AK8: variants seen among roughly 807,000 people sequenced by gnomAD.
AK8 encodes ATP-AMP transphosphorylase 8.
AK8 carries 44 observed loss-of-function variants against 54.6 expected under a neutral mutation model. The observed-to-expected ratio is 0.81, with a 90% CI of 0.63 to 1.04. The LOEUF is 1.04. AK8 is among the 50% of genes least tolerant of loss of function. AK8 has a pLI of 0.00. For missense variants in AK8, 555 were observed against 613.6 expected, an observed-to-expected ratio of 0.90 and a Z score of 1.01; for synonymous variants, 239 against 245.6, an observed-to-expected ratio of 0.97 and a Z score of 0.25.
At chr9:132,740,711 A>AC (rs139551614) in intron 11 of AK8, among the ~76,000 whole-genome samples, 22,348 of 150,684 alleles carry the variant, frequency 0.15, 1,933 homozygotes, top group Middle Eastern at 0.25. Context: ...AGAGCTGAGC[A>AC]CCCCCCCGCC....
rs376813082 is a variant in AK8 at position 132,810,902 on chromosome 9, G to A, written c.979+3736C>T. 2.6e-5 allele frequency among the ~76,000 whole-genome samples: 4 copies of A among 152,192 alleles called. No individual in the cohort carries two copies. In the East Asian group the frequency reaches 5.8e-4, roughly 22 times the overall value. ...TATAAAGAAAAATTAATGGAAAAAC[G>A]TAAACAACCCTAATATGCAAAGAGC... On this transcript the variant is annotated intron_variant, in intron 10 of 12. Transcript: ENST00000298545.
At chr9:132,846,907 G>A (rs977542966) in intron 5 of AK8, among the ~76,000 whole-genome samples, 61 of 152,354 alleles carry the variant, frequency 4.0e-4, no homozygotes, top group African/African-American at 1.2e-3. Context: ...GTAGGGTCCC[G>A]TGAAGCTGGA....
intron 4 of AK8, among the ~76,000 whole-genome samples, chr9:132,858,396 G>A (rs1157509484): frequency 3.3e-5 from 5 of 152,218 alleles, no homozygotes; most frequent in Non-Finnish European, 7.3e-5. Flanking sequence ...TCTCACACTG[G>A]GATGGCATGA....
intron 5 of AK8, among the ~76,000 whole-genome samples, chr9:132,842,768 G>A (rs1472732731): frequency 6.6e-6 from 1 of 152,234 alleles, no homozygotes; most frequent in Non-Finnish European, 1.5e-5. Context: ...GCTTGACTGA[G>A]GGAGAACCCT....
chr9:132,828,573 G>C (rs76240646), intron 6 of AK8, 72 bp downstream of exon 6: 1 of 1,368,768 alleles, frequency 7.3e-7, no homozygotes, highest in Non-Finnish European at 1.0e-6. Flanking sequence ...CAGGCAGCAT[G>C]AGCGGGGCGC....
At chr9:132,874,411 C>T (rs1457047585) in intron 2 of AK8, 1 of 152,422 alleles carries the variant, frequency 6.6e-6, no homozygotes, top group African/African-American at 2.4e-5. Context: ...ACTAATTTCA[C>T]TGGTGCACTG....
In AK8 at chr9:132,725,751, T is replaced by C. The variant is rs769479139; in HGVS notation, c.1377A>G (p.Pro459=). 6.9e-6 allele frequency: 11 copies of C among 1,595,190 alleles called. No homozygotes were observed. Among genetic ancestry groups the C allele is most frequent in the Non-Finnish European group, 7.7e-6 (9 of 1,171,012 alleles). The part of the protein sequence containing the change: ...SAITLNGDQD[P]YTVFEYIESG... Reference sequence around the variant, plus strand: ...TCTCGATGTATTCGAAGACTGTGTATGGGTCCTGGTCCCCATTGAGGGTGA... The same window carrying C: ...TCTCGATGTATTCGAAGACTGTGTACGGGTCCTGGTCCCCATTGAGGGTGA... Residue 459 remains proline (P), a synonymous_variant, in exon 13 of 13, where the codon CCA becomes CCG. Coordinates refer to ENST00000298545, the MANE Select transcript of AK8 (RefSeq NM_152572.3).
intron 11 of AK8, among the ~76,000 whole-genome samples, chr9:132,786,733 A>C (rs1839724419): frequency 6.6e-6 from 1 of 152,200 alleles, no homozygotes; most frequent in Non-Finnish European, 1.5e-5. Context: ...GTGAGCAAAC[A>C]ACCAAGGGTA....
At chr9:132,812,538 G>GGGATGACGGGTGAGCCGCCGCGCCCACTT (rs1841094698) in intron 10 of AK8, among the ~76,000 whole-genome samples, 1 of 150,720 alleles carries the variant, frequency 6.6e-6, no homozygotes, top group Non-Finnish European at 1.5e-5. Context: ...CGTGCCCACT[G>GGGATGACGGGTGAGCCGCCGCGCCCACTT]GGATGACGGG....
rs536741684 is a variant in AK8 at position 132,834,671 on chromosome 9, C to T, written c.403-5945G>A. ...CAGCCTAACAGTGATTATGCTCTTA[C>T]AACGCCGAAATATGCAGGAGTGATT... On this transcript the variant is annotated intron_variant, in intron 5 of 12. Coordinates refer to ENST00000298545, the MANE Select transcript of AK8 (RefSeq NM_152572.3). Among the ~76,000 whole-genome samples, 8 of 152,306 alleles carry T rather than the reference C, an allele frequency of 5.3e-5. 1 individual carries two copies. In the South Asian group the frequency reaches 1.2e-3, roughly 24 times the overall value.
At chr9:132,806,866 C>T (rs1391974640) in intron 10 of AK8, among the ~76,000 whole-genome samples, 1 of 152,120 alleles carries the variant, frequency 6.6e-6, no homozygotes, top group African/African-American at 2.4e-5. Context: ...GGTCTCATTA[C>T]CAGAAAGGGT....
intron 11 of AK8, among the ~76,000 whole-genome samples, chr9:132,743,878 C>T (rs1187136904): frequency 6.6e-6 from 1 of 152,168 alleles, no homozygotes; most frequent in African/African-American, 2.4e-5. Context: ...ACTCCAGGGC[C>T]ATCTGAATCT....
At chr9:132,848,857 A>G (rs534308943) in intron 5 of AK8, among the ~76,000 whole-genome samples, 9 of 151,808 alleles carry the variant, frequency 5.9e-5, no homozygotes, top group Non-Finnish European at 1.2e-4. Context: ...AACTTAGTTA[A>G]AATGAAAGTC....
intron 2 of AK8, among the ~76,000 whole-genome samples, chr9:132,873,962 A>G (rs770119482): frequency 3.3e-5 from 5 of 152,218 alleles, no homozygotes; most frequent in Non-Finnish European, 7.3e-5. Flanking sequence ...AGGGCAGAGT[A>G]AACTGCACCA....
At chr9:132,833,904 C>CTGCCTTTTTGATGCGT (rs1223192008) in intron 5 of AK8, among the ~76,000 whole-genome samples, 10 of 152,254 alleles carry the variant, frequency 6.6e-5, no homozygotes, top group Admixed American at 5.2e-4. Flanking sequence ...CTCTGGGCCT[C>CTGCCTTTTTGATGCGT]TGCCTTTTTG....
intron 10 of AK8, among the ~76,000 whole-genome samples, chr9:132,793,963 C>T (rs1438202007): frequency 6.6e-6 from 1 of 152,150 alleles, no homozygotes; most frequent in Non-Finnish European, 1.5e-5. Flanking sequence ...ACATTTGAAA[C>T]CTTCCACAGG....
intron 5 of AK8, among the ~76,000 whole-genome samples, chr9:132,845,103 G>A (rs1206671625): frequency 6.6e-6 from 1 of 152,196 alleles, no homozygotes; most frequent in African/African-American, 2.4e-5. Context: ...CAATCAAGGG[G>A]AGTCACCCAG....
chr9:132,835,766 T>C (rs147427553), intron 5 of AK8, among the ~76,000 whole-genome samples: 216 of 152,166 alleles, frequency 1.4e-3, no homozygotes, highest in African/African-American at 4.6e-3. Flanking sequence ...GGTGGGAGGA[T>C]TGCTTGAGGC....
intron 11 of AK8, among the ~76,000 whole-genome samples, chr9:132,733,382 C>T (rs1358258073): frequency 3.3e-5 from 5 of 152,184 alleles, no homozygotes; most frequent in Admixed American, 1.3e-4. Context: ...CGGCGGCTGG[C>T]GGCTCTGGAT....
Sources: gnomAD v4.1 joint callset for allele counts (sites outside exome capture counted in the v4.1 genomes callset) on GRCh38, gnomAD v4.1.1 for gene constraint, MANE v1.5 for transcripts, NCBI Gene and HGNC (gene_info 2026-07-23, HGNC 2026-07-21) for gene names.